PHF14: variants seen among roughly 807,000 people sequenced by gnomAD.
PHF14 encodes PHD finger protein 14.
In PHF14, 55 loss-of-function variants were observed where a neutral mutation model predicts 117.9. The observed-to-expected ratio is 0.47, with a 90% CI of 0.38 to 0.58. PHF14 has a LOEUF of 0.58. PHF14 is among the 20% of genes least tolerant of loss of function. The pLI is 0.00. For missense variants in PHF14, 978 were observed against 1,122.2 expected, an observed-to-expected ratio of 0.87 and a Z score of 1.84; for synonymous variants, 409 against 368.6, an observed-to-expected ratio of 1.11 and a Z score of -1.26.
chr7:11,068,164 C>G (rs1171969310), intron 16 of PHF14, among the ~76,000 whole-genome samples: 1 of 152,000 alleles, frequency 6.6e-6, no homozygotes, highest in Admixed American at 6.6e-5. Context: ...TCCTGGCTAA[C>G]ACAGTGAAAC....
rs149618372 is a variant in PHF14 at position 11,140,640 on chromosome 7, C to T, written c.2773-28776C>T. On this transcript the variant is annotated intron_variant, in intron 17 of 17. Coordinates refer to ENST00000634607, the MANE Select transcript of PHF14 (RefSeq NM_001007157.2). ...AAAGAAATAATATAATCCATAACTG[C>T]AAGAATATACTATACAGAAATATTT... Among the ~76,000 whole-genome samples the T allele has an allele frequency of 4.6e-5, 7 of 151,926 alleles. No individual in the cohort carries two copies. The East Asian group carries it at 1.2e-3, about 25-fold the overall frequency.
At chr7:11,164,886 G>A (rs1445401804) in intron 17 of PHF14, among the ~76,000 whole-genome samples, 1 of 152,102 alleles carries the variant, frequency 6.6e-6, no homozygotes, top group Admixed American at 6.5e-5. Context: ...ATAGTCTCCT[G>A]TGGTCTGTGA....
intron 17 of PHF14, among the ~76,000 whole-genome samples, chr7:11,158,862 T>A (rs1243870536): frequency 6.6e-6 from 1 of 152,126 alleles, no homozygotes; most frequent in Non-Finnish European, 1.5e-5. Flanking sequence ...TCATTCTGCT[T>A]AACAAGGGTA....
chr7:11,020,585 C>T (rs989036993), intron 5 of PHF14, among the ~76,000 whole-genome samples: 6 of 152,036 alleles, frequency 3.9e-5, no homozygotes, highest in South Asian at 2.1e-4. Flanking sequence ...CACCATGTTG[C>T]GCAGGCTGGT....
At chr7:11,109,685 T>C (rs1011277636) in intron 16 of PHF14, 1 of 151,902 alleles carries the variant, frequency 6.6e-6, no homozygotes, top group African/African-American at 2.4e-5. Flanking sequence ...ACATTTGAAC[T>C]TAGCTTATAT....
At chr7:11,166,863 C>T (rs553200003) in intron 17 of PHF14, among the ~76,000 whole-genome samples, 1 of 152,094 alleles carries the variant, frequency 6.6e-6, no homozygotes, top group African/African-American at 2.4e-5. Flanking sequence ...TGTACCTGTC[C>T]TGAACAGCAG....
intron 16 of PHF14, among the ~76,000 whole-genome samples, chr7:11,068,218 G>A (rs1785488013): frequency 6.6e-6 from 1 of 151,352 alleles, no homozygotes; most frequent in Non-Finnish European, 1.5e-5. Flanking sequence ...TGGCATGGTG[G>A]TGGGCACCAG....
In PHF14 at chr7:11,146,644, T is replaced by C. The variant is rs1239690332; in HGVS notation, c.2773-22772T>C. 5.9e-5 allele frequency among the ~76,000 whole-genome samples: 9 copies of C among 152,204 alleles called. No individual in the cohort carries two copies. The South Asian group carries it at 8.3e-4, about 14-fold the overall frequency. ...GGTTGGGGATATAGGGCAACATATATGTACATTTTTACAAAAGCATTTAGA... is the reference window on the plus strand; with the variant it reads ...GGTTGGGGATATAGGGCAACATATACGTACATTTTTACAAAAGCATTTAGA... On this transcript the variant is annotated intron_variant, in intron 17 of 17. Coordinates refer to ENST00000634607, the MANE Select transcript of PHF14 (RefSeq NM_001007157.2).
At chr7:11,060,606 G>A (rs1181894052) in intron 14 of PHF14, among the ~76,000 whole-genome samples, 1 of 152,166 alleles carries the variant, frequency 6.6e-6, no homozygotes, top group Non-Finnish European at 1.5e-5. Context: ...AGACACTCAG[G>A]TGATGCCAGT....
intron 4 of PHF14, among the ~76,000 whole-genome samples, chr7:11,000,741 C>CT (rs2128312951): frequency 6.6e-6 from 1 of 152,106 alleles, no homozygotes; most frequent in Non-Finnish European, 1.5e-5. Flanking sequence ...TTAAGAGTTC[C>CT]TTGTATATTT....
At chr7:11,102,473 C>T in intron 16 of PHF14, 7 of 1,608,878 alleles carry the variant, frequency 4.4e-6, no homozygotes, top group Non-Finnish European at 6.0e-6. Context: ...TTTCTTATCA[C>T]TTTACTGTGT....
At chr7:10,992,905 G>A (rs1021236023) in intron 4 of PHF14, among the ~76,000 whole-genome samples, 2 of 152,040 alleles carry the variant, frequency 1.3e-5, no homozygotes, top group African/African-American at 4.8e-5. Context: ...CTGTCTCATA[G>A]ACATTTTTAA....
intron 4 of PHF14, 104 bp from the exon 5 acceptor site, chr7:11,013,643 T>C (rs1783430449): frequency 1.7e-6 from 1 of 587,936 alleles, no homozygotes; most frequent in East Asian, 2.8e-5. Flanking sequence ...CATTGGTGTT[T>C]CATATCTTTT....
At chr7:11,131,133 T>C (rs1788081574) in intron 17 of PHF14, among the ~76,000 whole-genome samples, 1 of 151,956 alleles carries the variant, frequency 6.6e-6, no homozygotes, top group African/African-American at 2.4e-5. Flanking sequence ...TGAATAACGC[T>C]ACTATAAACA....
At chr7:11,144,395 T>G (rs541910479) in intron 17 of PHF14, among the ~76,000 whole-genome samples, 29 of 151,908 alleles carry the variant, frequency 1.9e-4, no homozygotes, top group African/African-American at 6.5e-4. Context: ...AATTAGTATA[T>G]TGAAGAGATA....
At chr7:11,055,483 G>C (rs140540266) in intron 14 of PHF14, among the ~76,000 whole-genome samples, 50 of 152,076 alleles carry the variant, frequency 3.3e-4, no homozygotes, top group African/African-American at 1.1e-3. Flanking sequence ...TACAAATTCT[G>C]GTTGTGTTTT....
rs1461392102 is a variant in PHF14, at chr7:11,108,826, T to C, written c.2655-2524T>C. 4 of 151,890 alleles carry C rather than the reference T, an allele frequency of 2.6e-5. No homozygotes were observed. In the East Asian group the frequency reaches 7.7e-4, roughly 29 times the overall value. The allele number at this position is 151,890 out of a possible 1,614,324, so 9.4% of individuals were successfully genotyped here. A position where few individuals can be genotyped will look rare whatever the true frequency, so the allele number is the denominator to read the frequency against. On this transcript the variant is annotated intron_variant, in intron 16 of 17. Coordinates refer to ENST00000634607, the MANE Select transcript of PHF14 (RefSeq NM_001007157.2). ...GAATTATTTATGTACATTAAGGTGA[T>C]AAATAATGAATTATGATACACATGC...
chr7:11,129,981 A>G (rs1383583647), intron 17 of PHF14, among the ~76,000 whole-genome samples: 1 of 152,058 alleles, frequency 6.6e-6, no homozygotes, highest in Non-Finnish European at 1.5e-5. Flanking sequence ...AGTATTAATT[A>G]GGATATGCTA....
chr7:10,992,803 T>C (rs1365846036), intron 4 of PHF14, among the ~76,000 whole-genome samples: 1 of 152,210 alleles, frequency 6.6e-6, no homozygotes, highest in Admixed American at 6.5e-5. Flanking sequence ...CCCAACAATG[T>C]CATTTCTAAC....
Sources: gnomAD v4.1 joint callset for allele counts (sites outside exome capture counted in the v4.1 genomes callset) on GRCh38, gnomAD v4.1.1 for gene constraint, MANE v1.5 for transcripts, NCBI Gene and HGNC (gene_info 2026-07-23, HGNC 2026-07-21) for gene names.